Variants in MFSD6 observed in about 807,000 individuals in gnomAD.
MFSD6 encodes major facilitator superfamily domain containing 6.
In MFSD6, 26 loss-of-function variants were observed where a neutral mutation model predicts 56.3. The observed-to-expected ratio is 0.46, with a 90% CI of 0.34 to 0.64. The LOEUF is 0.64. Ranked by LOEUF, MFSD6 falls within the 30% of genes least tolerant of loss-of-function variation. The pLI is 0.01. For missense variants in MFSD6, 750 were observed against 986.2 expected, an observed-to-expected ratio of 0.76 and a Z score of 3.21; for synonymous variants, 331 against 366.9, an observed-to-expected ratio of 0.90 and a Z score of 1.12.
chr2:190,452,393 G>A (rs1470939600), intron 3 of MFSD6, among the ~76,000 whole-genome samples: 2 of 152,094 alleles, frequency 1.3e-5, no homozygotes, highest in Non-Finnish European at 2.9e-5. Context: ...AGTTACAAAA[G>A]CATCGTGCTA....
At chr2:190,435,804 T>A (rs1320876445) in intron 2 of MFSD6, 173 bp from the exon 3 acceptor site, 1 of 549,254 alleles carries the variant, frequency 1.8e-6, no homozygotes, top group East Asian at 3.2e-5. Context: ...TCGATTTTTT[T>A]AAAAGCTATT....
Position 190,469,540 on chromosome 2 carries a change from A to G in MFSD6, c.1533-218A>G. 1 of 248,922 alleles carries G rather than the reference A, an allele frequency of 4.0e-6. No homozygotes were observed. The highest frequency in any genetic ancestry group is 5.3e-5 in the Admixed American group (1 of 18,874). The allele number at this position is 248,922 out of a possible 1,614,324, so 15.4% of individuals were successfully genotyped here. A position where few individuals can be genotyped will look rare whatever the true frequency, so the allele number is the denominator to read the frequency against. On this transcript the variant is annotated intron_variant, in intron 3 of 7. Transcript: ENST00000392328. This position sits in a 1 kb window ranked among gnomAD's most constrained non-coding sequence, Gnocchi z 5.3. ...TGAAAAGGCTGAGGGCAGATATGTT[A>G]GAAGCCATCTTCTTATTCCTAAATT...
At chr2:190,484,254 C>G (rs568815947) in intron 4 of MFSD6, among the ~76,000 whole-genome samples, 6 of 152,266 alleles carry the variant, frequency 3.9e-5, no homozygotes, top group African/African-American at 1.4e-4. Flanking sequence ...ACTGTTTGAT[C>G]TACCAACTTT....
At position 190,467,490 on chromosome 2, in the gene MFSD6, G is replaced by A. The variant is rs1687664258; in HGVS notation, c.1533-2268G>A. On this transcript the variant is annotated intron_variant, in intron 3 of 7. Transcript: ENST00000392328. This position sits in a 1 kb window ranked among gnomAD's most constrained non-coding sequence, Gnocchi z 5.5. ...TAGCCAGGCATGGTGGCACATTCCT[G>A]TAATCCCAGCTAGTCAGGAGGCTGA... 6.6e-6 allele frequency among the ~76,000 whole-genome samples: 1 copy of A among 152,170 alleles called. No individual in the cohort carries two copies. Among genetic ancestry groups the A allele is most frequent in the African/African-American group, 2.4e-5 (1 of 41,442 alleles).
chr2:190,475,649 T>C (rs911272017), intron 4 of MFSD6, among the ~76,000 whole-genome samples: 5 of 152,208 alleles, frequency 3.3e-5, no homozygotes, highest in African/African-American at 9.7e-5. Flanking sequence ...AGGTAATTTA[T>C]AGATTCAATG....
Position 190,416,654 on chromosome 2 carries a change from T to G in MFSD6, c.-54+1241T>G, listed in dbSNP as rs1690787841. ...AAGTGCTTTTGGCATAATTGCAAAA[T>G]AAGACCCAGAGTTTTAATGAAATAT... is the stretch of plus-strand genomic sequence containing the variant. On this transcript the variant is annotated intron_variant, in intron 2 of 7. Coordinates refer to ENST00000392328, the MANE Select transcript of MFSD6 (RefSeq NM_017694.4). The surrounding 1 kb of genome is among the most constrained non-coding windows in gnomAD (Gnocchi z 4.1). Among the ~76,000 whole-genome samples, 2 of 152,186 alleles carry G rather than the reference T, an allele frequency of 1.3e-5. No individual in the cohort carries two copies. Among genetic ancestry groups the G allele is most frequent in the Admixed American group, 1.3e-4 (2 of 15,280 alleles).
In MFSD6 at chr2:190,489,577, C is replaced by T. The variant is rs887616832; in HGVS notation, c.1793-191C>T. ...AATCGATCAATGACAGATCCAATAT[C>T]AGCCCTGGGTCTCTTGACACGTACC... On this transcript the variant is annotated intron_variant, in intron 5 of 7. Transcript: ENST00000392328. The surrounding 1 kb of genome is among the most constrained non-coding windows in gnomAD (Gnocchi z 6.6). Among the ~76,000 whole-genome samples the T allele has an allele frequency of 6.6e-6, 1 of 152,194 alleles. No individual in the cohort carries two copies. Among genetic ancestry groups the T allele is most frequent in the African/African-American group, 2.4e-5 (1 of 41,438 alleles).
chr2:190,419,109 G>A (rs1690907329), intron 2 of MFSD6, among the ~76,000 whole-genome samples: 1 of 152,030 alleles, frequency 6.6e-6, no homozygotes, highest in African/African-American at 2.4e-5. Flanking sequence ...TCATGACATT[G>A]GCTAAATGTC....
rs544591315 is a variant in MFSD6 at position 190,482,903 on chromosome 2, T to TTTTTTTTTTTTTTG, written c.1631-5754_1631-5753insTTTTTTTTTTTTTG. 6.6e-3 allele frequency among the ~76,000 whole-genome samples: 567 copies of TTTTTTTTTTTTTTG among 86,222 alleles called. 219 individuals are homozygous for TTTTTTTTTTTTTTG. The highest frequency in any genetic ancestry group is 0.022 in the Middle Eastern group (3 of 136). The allele number at this position is 86,222 out of a possible 152,430, so 56.6% of individuals were successfully genotyped here. On this transcript the variant is annotated intron_variant, in intron 4 of 7. Coordinates refer to ENST00000392328, the MANE Select transcript of MFSD6 (RefSeq NM_017694.4). ...TTTTTTTTTTTTTTTTTTTTTTTTTTAGACGGAGTCTCACTCTGTCGCCCA... is the reference window on the plus strand; with the variant it reads ...TTTTTTTTTTTTTTTTTTTTTTTTTTTTTTTTTTTTTTTGAGACGGAGTCTCACTCTGTCGCCCA...
At chr2:190,479,010 A>G (rs1688508728) in intron 4 of MFSD6, among the ~76,000 whole-genome samples, 2 of 152,152 alleles carry the variant, frequency 1.3e-5, no homozygotes, top group Non-Finnish European at 2.9e-5. Context: ...TTGGGGTTGC[A>G]TGTAACTGCT....
rs1290537488 is a variant in MFSD6 at position 190,447,970 on chromosome 2, A to G, written c.1532+10409A>G. On this transcript the variant is annotated intron_variant, in intron 3 of 7. Coordinates refer to ENST00000392328, the MANE Select transcript of MFSD6 (RefSeq NM_017694.4). The surrounding 1 kb of genome is among the most constrained non-coding windows in gnomAD (Gnocchi z 4.5). ...TATTCATAGTTAAGAAGAAAAGGCC[A>G]TTGTTGCAAAGTGGTATAAATGGAT... Among the ~76,000 whole-genome samples, 1 of 152,210 alleles carries G rather than the reference A, an allele frequency of 6.6e-6. No homozygotes were observed. The highest frequency in any genetic ancestry group is 1.5e-5 in the Non-Finnish European group (1 of 68,022).
chr2:190,427,653 G>A (rs1195391093), intron 2 of MFSD6, among the ~76,000 whole-genome samples: 1 of 151,652 alleles, frequency 6.6e-6, no homozygotes, highest in Non-Finnish European at 1.5e-5. Context: ...ATTGTCTAGG[G>A]TTTTTAGTTG....
intron 4 of MFSD6, among the ~76,000 whole-genome samples, chr2:190,480,443 T>A (rs189239811): frequency 7.9e-4 from 120 of 152,348 alleles, no homozygotes; most frequent in African/African-American, 2.7e-3. Context: ...CTCAAAAACT[T>A]ATTAAGTATC....
At chr2:190,475,104 TATC>T (rs1199760473) in intron 4 of MFSD6, among the ~76,000 whole-genome samples, 1 of 152,074 alleles carries the variant, frequency 6.6e-6, no homozygotes, top group Non-Finnish European at 1.5e-5. Context: ...CCACAGCCAA[TATC>T]ATACTGAATG....
chr2:190,464,066 G>A (rs548646806), intron 3 of MFSD6, among the ~76,000 whole-genome samples: 1 of 152,236 alleles, frequency 6.6e-6, no homozygotes, highest in Non-Finnish European at 1.5e-5. Flanking sequence ...CTGAAACATT[G>A]CTTTTTGAAT....
intron 3 of MFSD6, among the ~76,000 whole-genome samples, chr2:190,460,078 C>T (rs1574152406): frequency 6.6e-6 from 1 of 152,300 alleles, no homozygotes; most frequent in South Asian, 2.1e-4. Flanking sequence ...TATCCTAGCT[C>T]TTACTCTTCT....
rs1345215599 is a variant in MFSD6 at position 190,438,149 on chromosome 2, A to G, written c.1532+588A>G. On this transcript the variant is annotated intron_variant, in intron 3 of 7. Transcript: ENST00000392328. This position sits in a 1 kb window ranked among gnomAD's most constrained non-coding sequence, Gnocchi z 5.2. ...ATGACTCCCTGCATTTCTGTCCACC[A>G]TGAAGACATAGGATATTTGAAAATC... 3.3e-5 allele frequency among the ~76,000 whole-genome samples: 5 copies of G among 152,048 alleles called. No individual in the cohort carries two copies. In the East Asian group the frequency reaches 5.8e-4, roughly 18 times the overall value.
chr2:190,426,458 T>A lies in MFSD6; in HGVS notation c.-53-9519T>A, dbSNP rs903747493. ...TTTCAAGCATGTTTATAATTGCCTA[T>A]CTAAGCATTTTTAGGATGGCTTTTT... On this transcript the variant is annotated intron_variant, in intron 2 of 7. Coordinates refer to ENST00000392328, the MANE Select transcript of MFSD6 (RefSeq NM_017694.4). The surrounding 1 kb of genome is among the most constrained non-coding windows in gnomAD (Gnocchi z 4.7). Among the ~76,000 whole-genome samples the A allele has an allele frequency of 6.6e-6, 1 of 152,234 alleles. No individual in the cohort carries two copies. The highest frequency in any genetic ancestry group is 1.5e-5 in the Non-Finnish European group (1 of 68,046).
Position 190,469,301 on chromosome 2 carries a change from A to G in MFSD6, c.1533-457A>G, listed in dbSNP as rs1246446674. On this transcript the variant is annotated intron_variant, in intron 3 of 7. Transcript: ENST00000392328. This position sits in a 1 kb window ranked among gnomAD's most constrained non-coding sequence, Gnocchi z 5.3. ...TCTTGGGTATTATGAGCAAGGCCACATTCGTGTTTACATATTCTCATTTTT... is the reference window on the plus strand; with the variant it reads ...TCTTGGGTATTATGAGCAAGGCCACGTTCGTGTTTACATATTCTCATTTTT... Among the ~76,000 whole-genome samples the G allele has an allele frequency of 6.6e-6, 1 of 152,150 alleles. No homozygotes were observed. Among genetic ancestry groups the G allele is most frequent in the East Asian group, 1.9e-4 (1 of 5,198 alleles).
Sources: allele counts gnomAD v4.1 joint callset (sites outside exome capture counted in the v4.1 genomes callset), GRCh38; gene constraint gnomAD v4.1.1; non-coding constraint Gnocchi (gnomAD v3.1); transcripts MANE v1.5; gene names NCBI Gene and HGNC (gene_info 2026-07-23, HGNC 2026-07-21).